The following GPATCH8 variants were observed in gnomAD, a reference collection of about 807,000 sequenced individuals.
GPATCH8 encodes the protein G patch domain-containing protein 8.
Under a neutral mutation model 118.3 loss-of-function variants are expected in GPATCH8, and 18 were observed. That is an observed-to-expected ratio of 0.15 (90% CI 0.11 to 0.23). The LOEUF (loss-of-function observed/expected upper bound fraction) is 0.23. Among genes scored for constraint, GPATCH8 ranks in the 10% least tolerant of loss-of-function variants. The probability of loss-of-function intolerance (pLI) is 1.00; values close to 1 mark genes in which losing one functional copy is unlikely to be tolerated. For missense variants in GPATCH8, 1,631 were observed against 1,873.8 expected (o/e 0.87, Z 2.39); for synonymous variants, 659 against 684.7 (o/e 0.96, Z 0.59).
chr17:44,401,374 A>T lies in GPATCH8; in HGVS notation c.703T>A (p.Ser235Thr). 1 of 1,613,006 alleles carries T rather than the reference A, an allele frequency of 6.2e-7. No homozygotes were observed. The highest frequency in any genetic ancestry group is 8.5e-7 in the Non-Finnish European group (1 of 1,179,224). Residue 235 changes from serine (S) to threonine (T), a missense_variant, in exon 8 of 8, where the codon TCA becomes ACA. Ser to Thr is a moderately conservative substitution (Grantham distance 58). Around this residue, in one of 8 missense-constraint regions of GPATCH8, gnomAD observed 405 missense variants for 462.7 expected, o/e 0.88. Coordinates refer to ENST00000591680, the MANE Select transcript of GPATCH8 (RefSeq NM_001002909.4). ...EEGGEDDKDE[S>T]ATNSGTGATA... ...GCACCTGTGCCACTATTTGTAGCTGATTCATCTTTATCATCTTCTCCACCT... is the reference window on the plus strand; with the variant it reads ...GCACCTGTGCCACTATTTGTAGCTGTTTCATCTTTATCATCTTCTCCACCT...
Position 44,501,305 on chromosome 17 carries a change from T to C in GPATCH8, c.45+2021A>G, listed in dbSNP as rs534396964. Among the ~76,000 whole-genome samples the C allele has an allele frequency of 8.4e-4, 128 of 151,926 alleles. 2 individuals are homozygous for C. Among genetic ancestry groups the C allele is most frequent in the African/African-American group, 3.1e-3 (127 of 41,402 alleles). ...GGTGGCGGGTGCCTGTAATCCCAGC[T>C]GCTTGGGAGGCTGAGGCAGAAGAAT... On this transcript the variant is annotated intron_variant, in intron 1 of 7. Transcript: ENST00000591680.
chr17:44,472,236 T>G (rs1467497730), intron 2 of GPATCH8, among the ~76,000 whole-genome samples: 1 of 152,212 alleles, frequency 6.6e-6, no homozygotes, highest in East Asian at 1.9e-4. Flanking sequence ...CTATTTTAAG[T>G]GAAGAAGGTA....
At chr17:44,474,454 G>A (rs1967568160) in intron 2 of GPATCH8, 1 of 286,702 alleles carries the variant, frequency 3.5e-6, no homozygotes. Flanking sequence ...TACTTATGTA[G>A]GAACATTTCA....
At position 44,399,848 on chromosome 17, in the gene GPATCH8, T is replaced by C. The variant is rs753386957; in HGVS notation, c.2229A>G (p.Pro743=). 2 of 1,613,840 alleles carry C rather than the reference T, an allele frequency of 1.2e-6. No individual in the cohort carries two copies. The highest frequency in any genetic ancestry group is 1.6e-4 in the Middle Eastern group (1 of 6,062). The change falls in exon 8 of 8, where the codon CCA becomes CCG. Residue 743 remains proline (P), a synonymous_variant. Transcript: ENST00000591680. ...CTTGAGCTCTCCGCCTTCTTCTTGG[T>C]GGTGCGGGACTGCCACTCCCAGGGG... ...PEPPGSGSPA[P]PRRRRRAQDD...
intron 6 of GPATCH8, among the ~76,000 whole-genome samples, chr17:44,406,274 T>C (rs1368039229): frequency 1.3e-5 from 2 of 152,208 alleles, no homozygotes; most frequent in Non-Finnish European, 2.9e-5. Flanking sequence ...TCATTTGCTT[T>C]ATTAGGCAAA....
chr17:44,466,249 C>A (rs1032680734), intron 2 of GPATCH8, among the ~76,000 whole-genome samples: 7 of 152,046 alleles, frequency 4.6e-5, no homozygotes, highest in Non-Finnish European at 7.4e-5. Context: ...CTCAAGCAAT[C>A]CTCCCTCCTC....
chr17:44,416,617 CTGTGT>C (rs1444143571), intron 6 of GPATCH8, among the ~76,000 whole-genome samples: 4 of 152,156 alleles, frequency 2.6e-5, no homozygotes, highest in Admixed American at 2.0e-4. Flanking sequence ...TTCTTCAAAC[CTGTGT>C]TGTTTCTTAA....
At chr17:44,483,216 T>TATATATATATATATAC (rs1438103360) in intron 1 of GPATCH8, among the ~76,000 whole-genome samples, 2 of 87,608 alleles carry the variant, frequency 2.3e-5, no homozygotes, top group East Asian at 4.5e-4. Context: ...TATATATATA[T>TATATATATATATATAC]ACAGCCTACC....
At chr17:44,466,509 T>C (rs1361511670) in intron 2 of GPATCH8, among the ~76,000 whole-genome samples, 4 of 152,118 alleles carry the variant, frequency 2.6e-5, no homozygotes, top group Non-Finnish European at 2.9e-5. Flanking sequence ...AAAAATATAA[T>C]ATAACACTAC....
intron 1 of GPATCH8, among the ~76,000 whole-genome samples, chr17:44,484,228 C>A (rs764368323): frequency 2.0e-5 from 3 of 152,116 alleles, no homozygotes; most frequent in Non-Finnish European, 4.4e-5. Context: ...AAGCAATTTG[C>A]CTGCCTCAGC....
intron 3 of GPATCH8, among the ~76,000 whole-genome samples, chr17:44,446,143 T>C (rs778111231): frequency 6.6e-6 from 1 of 151,874 alleles, no homozygotes; most frequent in Non-Finnish European, 1.5e-5. Flanking sequence ...AGAGATGGTG[T>C]CTCACTATGT....
At chr17:44,416,786 C>G (rs1475555740) in intron 6 of GPATCH8, among the ~76,000 whole-genome samples, 1 of 152,096 alleles carries the variant, frequency 6.6e-6, no homozygotes, top group African/African-American at 2.4e-5. Context: ...ATATCCTGTA[C>G]AAATCAGAAT....
At chr17:44,424,015 G>A (rs548076732) in intron 6 of GPATCH8, among the ~76,000 whole-genome samples, 2 of 152,256 alleles carry the variant, frequency 1.3e-5, no homozygotes, top group African/African-American at 4.8e-5. Flanking sequence ...AGTTTAACGC[G>A]TTAAGAGCAG....
chr17:44,397,774 C>A lies in GPATCH8; in HGVS notation c.4303G>T (p.Ala1435Ser), dbSNP rs148434401. 5 of 1,581,474 alleles carry A rather than the reference C, an allele frequency of 3.2e-6. No individual in the cohort carries two copies. The highest frequency in any genetic ancestry group is 4.5e-5 in the East Asian group (2 of 44,398). ...IIPGHPATFL[A>S]SHPIHIIPAS... is the part of the protein sequence containing the mutation. ...GGAATGATGTGGATGGGATGGCTAG[C>A]GAGAAAGGTGGCAGGGTGGCCAGGG... Residue 1435 changes from alanine (A) to serine (S), a missense_variant, in exon 8 of 8, where the codon GCT becomes TCT. By Grantham distance (99) the Ala-to-Ser change is moderately conservative. Coordinates refer to ENST00000591680, the MANE Select transcript of GPATCH8 (RefSeq NM_001002909.4).
chr17:44,425,007 G>A (rs2050040493), intron 5 of GPATCH8, among the ~76,000 whole-genome samples: 1 of 123,562 alleles, frequency 8.1e-6, no homozygotes, highest in African/African-American at 2.6e-5. Flanking sequence ...TTACATGTGA[G>A]AGGAGGTTGG....
Position 44,489,120 on chromosome 17 carries a change from A to C in GPATCH8, c.45+14206T>G, listed in dbSNP as rs557416610. Among the ~76,000 whole-genome samples the C allele has an allele frequency of 7.2e-5, 11 of 152,222 alleles. No individual in the cohort carries two copies. In the South Asian group the frequency reaches 2.1e-3, roughly 29 times the overall value. On this transcript the variant is annotated intron_variant, in intron 1 of 7. Coordinates refer to ENST00000591680, the MANE Select transcript of GPATCH8 (RefSeq NM_001002909.4). ...ACAAAAAACCTTCCAGTTATGGAAT[A>C]ATCTCCAGGACATACAATTAAGAGG...
chr17:44,466,917 T>C (rs2051790402), intron 2 of GPATCH8, among the ~76,000 whole-genome samples: 2 of 150,894 alleles, frequency 1.3e-5, no homozygotes, highest in Non-Finnish European at 1.5e-5. Flanking sequence ...TCCCCCCCCC[T>C]CCATTTTGTT....
At position 44,434,748 on chromosome 17, in the gene GPATCH8, T is replaced by C. The variant is rs905863282; in HGVS notation, c.348+317A>G. ...TGTTGGGGTTACAAGTGTGAGCCAT[T>C]GTGTCTGGCCTCAAAGGACTTTTAA... On this transcript the variant is annotated intron_variant, in intron 5 of 7. Transcript: ENST00000591680. Among the ~76,000 whole-genome samples, 3 of 152,232 alleles carry C rather than the reference T, an allele frequency of 2.0e-5. 1 individual carries two copies. In the South Asian group the frequency reaches 6.2e-4, roughly 31 times the overall value.
intron 3 of GPATCH8, among the ~76,000 whole-genome samples, chr17:44,441,951 C>T (rs760464552): frequency 6.6e-6 from 1 of 151,756 alleles, no homozygotes; most frequent in Non-Finnish European, 1.5e-5. Flanking sequence ...TCGCTTAAAC[C>T]CGGGAGGCGG....
Sources: gnomAD v4.1 joint callset for allele counts (sites outside exome capture counted in the v4.1 genomes callset) on GRCh38, gnomAD v4.1.1 for gene constraint, gnomAD v4.1.1 regional missense constraint, MANE v1.5 for transcripts, NCBI Gene and HGNC (gene_info 2026-07-23, HGNC 2026-07-21) for gene names.